The following INCENP variants were observed in gnomAD, a reference collection of about 807,000 sequenced individuals.
INCENP encodes binds and activates aurora-B and -C in vivo and in vitro.
Under a neutral mutation model 107.3 loss-of-function variants are expected in INCENP, and 43 were observed. The observed-to-expected ratio is 0.40, with a 90% CI of 0.31 to 0.52. INCENP has a LOEUF of 0.52. Among genes scored for constraint, INCENP ranks in the 20% least tolerant of loss-of-function variants. The pLI, the probability that INCENP is intolerant of heterozygous loss-of-function variation, is 0.53. For synonymous variants in INCENP, 488 were observed against 494.4 expected, an observed-to-expected ratio of 0.99 and a Z score of 0.17; for missense variants, 1,089 against 1,250.9, an observed-to-expected ratio of 0.87 and a Z score of 1.95.
At chr11:62,130,641 A>G in intron 4 of INCENP, 51 bp downstream of exon 4, 1 of 1,512,218 alleles carries the variant, frequency 6.6e-7, no homozygotes, top group Non-Finnish European at 9.0e-7. Flanking sequence ...CCAGGCTCAG[A>G]TGGAGGCTTT....
In INCENP at chr11:62,130,462, C is replaced by T; in HGVS notation, c.935C>T (p.Ser312Phe). 6.2e-7 allele frequency: 1 copy of T among 1,614,094 alleles called. No individual in the cohort carries two copies. Among genetic ancestry groups the T allele is most frequent in the Non-Finnish European group, 8.5e-7 (1 of 1,180,048 alleles). Reference sequence around the variant, plus strand: ...CGGCACAGCCCGATCGCCCCGTCTTCCCCGAGTCCCCAAGTCTTAGCCCAG... The same window carrying T: ...CGGCACAGCCCGATCGCCCCGTCTTTCCCGAGTCCCCAAGTCTTAGCCCAG... Reference protein sequence around the residue: ...SVRHSPIAPSSPSPQVLAQKY... With the variant: ...SVRHSPIAPSFPSPQVLAQKY... Residue 312 changes from serine (S) to phenylalanine (F), a missense_variant, in exon 4 of 19, where the codon TCC becomes TTC. Transcript: ENST00000394818.
At chr11:62,127,038 G>GTT (rs1443465807) in intron 1 of INCENP, among the ~76,000 whole-genome samples, 45 of 103,356 alleles carry the variant, frequency 4.4e-4, no homozygotes, top group African/African-American at 8.8e-4. Flanking sequence ...CAAGTTTTTT[G>GTT]TTTTGTTTTT....
intron 11 of INCENP, among the ~76,000 whole-genome samples, chr11:62,142,608 A>G (rs912317006): frequency 6.6e-5 from 10 of 152,202 alleles, no homozygotes; most frequent in Admixed American, 1.3e-4. Context: ...GTTTAAATCT[A>G]TGGACAATGT....
intron 7 of INCENP, 151 bp downstream of exon 7, chr11:62,139,156 T>C (rs1590617755): frequency 3.2e-6 from 2 of 634,214 alleles, no homozygotes; most frequent in East Asian, 5.5e-5. Context: ...GAGATCCCTT[T>C]TGAGTCTGTA....
Position 62,146,914 on chromosome 11 carries a change from G to T in INCENP, c.2204+12G>T. The stretch of plus-strand genomic sequence containing the variant: ...CTCCAGGCCGAGAGGTGAGGGACCT[G>T]CTGGCCCGCCTGCCTGCCTTCCATG... On this transcript the variant is annotated intron_variant, in intron 15 of 18. Transcript: ENST00000394818. The T allele has an allele frequency of 2.5e-6, 4 of 1,599,566 alleles. No individual in the cohort carries two copies. The highest frequency in any genetic ancestry group is 3.4e-6 in the Non-Finnish European group (4 of 1,178,666).
At chr11:62,132,960 G>A (rs1043972846) in intron 4 of INCENP, among the ~76,000 whole-genome samples, 1 of 152,180 alleles carries the variant, frequency 6.6e-6, no homozygotes, top group African/African-American at 2.4e-5. Context: ...TCATCTTAGT[G>A]CTTGAGTGTA....
chr11:62,137,152 G>A (rs992024577), intron 4 of INCENP, among the ~76,000 whole-genome samples: 1 of 152,088 alleles, frequency 6.6e-6, no homozygotes, highest in Non-Finnish European at 1.5e-5. Context: ...TCAGGAGTTC[G>A]AGACCAGACT....
intron 11 of INCENP, among the ~76,000 whole-genome samples, chr11:62,143,543 C>T (rs944301132): frequency 6.6e-5 from 10 of 152,120 alleles, no homozygotes; most frequent in Non-Finnish European, 1.3e-4. Flanking sequence ...AGTAGCCGCT[C>T]CTTGCATTCT....
At position 62,141,754 on chromosome 11, in the gene INCENP, G is replaced by A. The variant is rs1944128550; in HGVS notation, c.1605+243G>A. 1.0e-5 allele frequency: 6 copies of A among 601,390 alleles called. No individual in the cohort carries two copies. In the South Asian group the frequency reaches 1.2e-4, roughly 12 times the overall value. The allele number at this position is 601,390 out of a possible 1,614,324, so 37.3% of individuals were successfully genotyped here. On this transcript the variant is annotated intron_variant, in intron 11 of 18. Coordinates refer to ENST00000394818, the MANE Select transcript of INCENP (RefSeq NM_001040694.2). ...TGCTCTTAGGAGGAAGCAAGGGGGT[G>A]TGGCTTTTCACCAGGGCTACAGCTT...
intron 18 of INCENP, 23 bp from the exon 19 acceptor site, chr11:62,151,739 G>A: frequency 6.2e-7 from 1 of 1,605,626 alleles, no homozygotes; most frequent in Non-Finnish European, 8.5e-7. Flanking sequence ...CCAAGGCAGT[G>A]TCTGGTCTGT....
intron 17 of INCENP, 87 bp from the exon 18 acceptor site, chr11:62,149,967 TAGG>T (rs1252049850): frequency 2.2e-5 from 27 of 1,228,600 alleles, no homozygotes; most frequent in Middle Eastern, 1.9e-4. Flanking sequence ...TCCTGTGAAA[TAGG>T]AGGAGGTGAG....
chr11:62,147,616 T>C (rs1391116534), intron 15 of INCENP, among the ~76,000 whole-genome samples: 1 of 152,190 alleles, frequency 6.6e-6, no homozygotes, highest in African/African-American at 2.4e-5. Flanking sequence ...GCAGGCCCCG[T>C]AGCTGTTCCC....
intron 1 of INCENP, 99 bp from the exon 2 acceptor site, chr11:62,128,052 T>C: frequency 8.3e-7 from 1 of 1,211,426 alleles, no homozygotes; most frequent in Admixed American, 1.9e-5. Flanking sequence ...ACTGGGTGTT[T>C]GTGGTGGTTG....
chr11:62,128,024 A>G (rs1943793281), intron 1 of INCENP, 127 bp from the exon 2 acceptor site: 4 of 826,008 alleles, frequency 4.8e-6, no homozygotes, highest in Non-Finnish European at 7.8e-6. Flanking sequence ...GTGAGCAGAG[A>G]GGGGCCCTGG....
intron 3 of INCENP, 44 bp downstream of exon 3, chr11:62,128,927 G>A (rs939983661): frequency 1.7e-5 from 22 of 1,293,496 alleles, no homozygotes; most frequent in Non-Finnish European, 2.2e-5. Context: ...TGGGCTCTGC[G>A]GAGGCTTGGT....
rs1380057639 is a variant in INCENP at position 62,128,316 on chromosome 11, A to G, written c.140+15A>G. 6.2e-7 allele frequency: 1 copy of G among 1,613,946 alleles called. No homozygotes were observed. Among genetic ancestry groups the G allele is most frequent in the African/African-American group, 1.3e-5 (1 of 75,064 alleles). ...ATGTTCACCAGGTGAAGACGGGCACAGTGAGAGGCTGGGAACACCAGGGCC... is the reference window on the plus strand; with the variant it reads ...ATGTTCACCAGGTGAAGACGGGCACGGTGAGAGGCTGGGAACACCAGGGCC... On this transcript the variant is annotated intron_variant, in intron 2 of 18. Coordinates refer to ENST00000394818, the MANE Select transcript of INCENP (RefSeq NM_001040694.2).
Position 62,128,280 on chromosome 11 carries a change from A to T in INCENP, c.119A>T (p.Glu40Val), listed in dbSNP as rs1474028208. Residue 40 changes from glutamate to valine, a missense_variant, in exon 2 of 19, where the codon GAG (glutamate) becomes GTG (valine). Coordinates refer to ENST00000394818, the MANE Select transcript of INCENP (RefSeq NM_001040694.2). ...GTGTGGCTTGAGGAAATCCAAGAGG[A>T]GGCCGAGCGCATGTTCACCAGGTGA... ...DLVWLEEIQE[E>V]AERMFTREFS... is the part of the protein sequence containing the mutation. 7 of 1,613,984 alleles carry T rather than the reference A, an allele frequency of 4.3e-6. No homozygotes were observed. Among genetic ancestry groups the T allele is most frequent in the Non-Finnish European group, 5.9e-6 (7 of 1,180,016 alleles).
At chr11:62,144,396 A>G (rs904407395) in intron 11 of INCENP, among the ~76,000 whole-genome samples, 3 of 152,122 alleles carry the variant, frequency 2.0e-5, no homozygotes, top group African/African-American at 7.2e-5. Flanking sequence ...AAAATAAAAG[A>G]AAATTAATAC....
Position 62,130,547 on chromosome 11 carries a change from C to G in INCENP, c.1020C>G (p.Ala340=). Residue 340 remains alanine (A), a synonymous_variant, in exon 4 of 19, where the codon GCC becomes GCG. Coordinates refer to ENST00000394818, the MANE Select transcript of INCENP (RefSeq NM_001040694.2). ...SVVRRASRRL[A]KKTAEEPAAS... ...TCCGCAGGGCGAGCAGAAGGCTTGC[C>G]AAGAAGACTGCCGAAGAGCCAGCTG... The G allele has an allele frequency of 1.2e-6, 2 of 1,613,720 alleles. No individual in the cohort carries two copies. Among genetic ancestry groups the G allele is most frequent in the East Asian group, 4.5e-5 (2 of 44,866 alleles).
Sources: gnomAD v4.1 joint callset for allele counts (sites outside exome capture counted in the v4.1 genomes callset) on GRCh38, gnomAD v4.1.1 for gene constraint, MANE v1.5 for transcripts, NCBI Gene and HGNC (gene_info 2026-07-23, HGNC 2026-07-21) for gene names.